The following NAV3 variants were observed in gnomAD, a reference collection of about 807,000 sequenced individuals.
NAV3 encodes the protein neuron navigator 3, also known as pore membrane and/or filament interacting like protein 1.
Under a neutral mutation model 244.7 loss-of-function variants are expected in NAV3, and 87 were observed. That is an observed-to-expected ratio of 0.36 (90% CI 0.30 to 0.42). The LOEUF (loss-of-function observed/expected upper bound fraction) is 0.42. Ranked by LOEUF, NAV3 falls within the 20% of genes least tolerant of loss-of-function variation. The pLI, the probability that NAV3 is intolerant of heterozygous loss-of-function variation, is 1.00. For synonymous variants in NAV3, 1,126 were observed against 1,042.2 expected, an observed-to-expected ratio of 1.08 and a Z score of -1.55; for missense variants, 2,663 against 2,893.3, an observed-to-expected ratio of 0.92 and a Z score of 1.83.
At chr12:77,989,146 A>G (rs568573632) in intron 5 of NAV3, among the ~76,000 whole-genome samples, 28 of 152,220 alleles carry the variant, frequency 1.8e-4, no homozygotes, top group Non-Finnish European at 3.2e-4. Flanking sequence ...GTAATAGCTT[A>G]TTTTTTAGAT....
At chr12:77,759,468 A>G (rs1869355972) in intron 2 of NAV3, among the ~76,000 whole-genome samples, 1 of 152,200 alleles carries the variant, frequency 6.6e-6, no homozygotes, top group Non-Finnish European at 1.5e-5. Context: ...ATTCCAGGAA[A>G]CTATAAATTG....
chr12:77,833,965 C>T (rs1874170505), intron 1 of NAV3, among the ~76,000 whole-genome samples: 1 of 150,856 alleles, frequency 6.6e-6, no homozygotes, highest in Non-Finnish European at 1.5e-5. Flanking sequence ...GTGTTCCTTT[C>T]GACGTCCAGC....
chr12:77,818,367 A>G (rs1342968300), intron 2 of NAV3, among the ~76,000 whole-genome samples: 2 of 152,174 alleles, frequency 1.3e-5, no homozygotes, highest in Non-Finnish European at 2.9e-5. Context: ...TCCTATGAAA[A>G]TGATATAGTC....
intron 18 of NAV3, among the ~76,000 whole-genome samples, chr12:78,135,755 TGGTCACTGCA>T (rs1956346878): frequency 6.6e-6 from 1 of 152,208 alleles, no homozygotes; most frequent in South Asian, 2.1e-4. Context: ...ATGGTACTAA[TGGTCACTGCA>T]GGCTGAAGGA....
chr12:78,147,496 T>A (rs1377495475), intron 21 of NAV3, among the ~76,000 whole-genome samples: 1 of 152,028 alleles, frequency 6.6e-6, no homozygotes, highest in Non-Finnish European at 1.5e-5. Context: ...GAAATGCTCT[T>A]TGAGTTTGGA....
intron 12 of NAV3, among the ~76,000 whole-genome samples, chr12:78,059,633 ATTTT>A (rs1884034141): frequency 6.6e-6 from 1 of 152,146 alleles, no homozygotes; most frequent in Non-Finnish European, 1.5e-5. Context: ...TTACAAGGCC[ATTTT>A]AGCTCTGTAA....
intron 1 of NAV3, among the ~76,000 whole-genome samples, chr12:77,889,864 T>C (rs540404666): frequency 1.3e-5 from 2 of 152,296 alleles, no homozygotes; most frequent in African/African-American, 2.4e-5. Flanking sequence ...ATGCATCTGG[T>C]ATATTTTTCA....
At chr12:78,094,624 T>C (rs1954135191) in intron 12 of NAV3, among the ~76,000 whole-genome samples, 1 of 152,246 alleles carries the variant, frequency 6.6e-6, no homozygotes, top group Admixed American at 6.5e-5. Flanking sequence ...TTTACTTCAG[T>C]TATTCTTTAA....
intron 2 of NAV3, among the ~76,000 whole-genome samples, chr12:77,643,011 C>A (rs1872480605): frequency 6.6e-6 from 1 of 151,902 alleles, no homozygotes. Flanking sequence ...CTTTCTATAT[C>A]CATTAAGTTT....
intron 16 of NAV3, among the ~76,000 whole-genome samples, chr12:78,122,926 A>C (rs987977574): frequency 7.3e-6 from 1 of 136,382 alleles, no homozygotes; most frequent in African/African-American, 2.7e-5. Context: ...AAAAAAAAAA[A>C]ATCAATTGTC....
At chr12:77,600,753 G>A (rs1409922875) in intron 2 of NAV3, among the ~76,000 whole-genome samples, 1 of 151,930 alleles carries the variant, frequency 6.6e-6, no homozygotes, top group Non-Finnish European at 1.5e-5. Flanking sequence ...CAGGACAAAT[G>A]ATAATGGATG....
rs141204745 is a variant in NAV3, at chr12:78,150,672, T to C, written c.4785+1753T>C. On this transcript the variant is annotated intron_variant, in intron 22 of 39. Transcript: ENST00000397909. Reference sequence around the variant, plus strand: ...ACACACACACACACACACACACACATACACACACATACGGAACCAAATTCT... The same window carrying C: ...ACACACACACACACACACACACACACACACACACATACGGAACCAAATTCT... Among the ~76,000 whole-genome samples, 272 of 92,974 alleles carry C rather than the reference T, an allele frequency of 2.9e-3. 1 individual carries two copies. The highest frequency in any genetic ancestry group is 3.5e-3 in the Non-Finnish European group (145 of 40,866). The allele number at this position is 92,974 out of a possible 152,430, so 61.0% of individuals were successfully genotyped here.
chr12:78,137,562 TTTG>T (rs143756802), intron 19 of NAV3, among the ~76,000 whole-genome samples, 197 bp downstream of exon 19: 4,179 of 152,300 alleles, frequency 0.027, 188 homozygotes, highest in African/African-American at 0.093. Flanking sequence ...TATGCCAGAA[TTTG>T]TTTATATTAA....
At chr12:78,188,208 A>C (rs1349279216) in intron 31 of NAV3, 40 bp from the exon 32 acceptor site, 25 of 1,402,576 alleles carry the variant, frequency 1.8e-5, no homozygotes, top group Non-Finnish European at 2.5e-5. Flanking sequence ...AAAAAGATAC[A>C]CGGTTGGATT....
intron 2 of NAV3, among the ~76,000 whole-genome samples, chr12:77,806,085 C>A (rs1871963856): frequency 6.6e-6 from 1 of 152,072 alleles, no homozygotes; most frequent in African/African-American, 2.4e-5. Context: ...GGCTAGCTGT[C>A]TATCTATTTT....
chr12:77,700,547 T>C (rs1875516269), intron 2 of NAV3, among the ~76,000 whole-genome samples: 2 of 152,142 alleles, frequency 1.3e-5, no homozygotes, highest in Admixed American at 6.6e-5. Context: ...CTGGTGAAGA[T>C]ATCTATTATA....
chr12:78,081,929 TC>T (rs1423719119), intron 12 of NAV3, among the ~76,000 whole-genome samples: 1 of 152,194 alleles, frequency 6.6e-6, no homozygotes, highest in East Asian at 1.9e-4. Flanking sequence ...TTGATCTCAT[TC>T]CCTGGCTAAT....
intron 12 of NAV3, 140 bp downstream of exon 12, chr12:78,059,255 ATTAT>A: frequency 1.2e-6 from 1 of 829,046 alleles, no homozygotes; most frequent in Non-Finnish European, 1.7e-6. Flanking sequence ...TTGATAAATA[ATTAT>A]TTAGGGTTTT....
At chr12:77,841,861 A>C (rs1390527785) in intron 1 of NAV3, among the ~76,000 whole-genome samples, 1 of 152,146 alleles carries the variant, frequency 6.6e-6, no homozygotes, top group Admixed American at 6.6e-5. Context: ...GGAGGATTGC[A>C]TAAGAGGCTG....
Sources: allele counts gnomAD v4.1 joint callset (sites outside exome capture counted in the v4.1 genomes callset), GRCh38; gene constraint gnomAD v4.1.1; transcripts MANE v1.5; gene names NCBI Gene and HGNC (gene_info 2026-07-23, HGNC 2026-07-21).